Variants in EVL observed in about 807,000 individuals in gnomAD.
EVL encodes Enah/Vasp-like.
A neutral mutation model predicts 59.6 loss-of-function variants in EVL; 21 were observed. The ratio of observed to expected loss-of-function variants is 0.35; its 90% confidence interval spans 0.25 to 0.51. The LOEUF is 0.51. Ranked by LOEUF, EVL falls within the 20% of genes least tolerant of loss-of-function variation. The pLI is 0.97. For missense variants in EVL, 462 were observed against 546.6 expected, an observed-to-expected ratio of 0.85 and a Z score of 1.54; for synonymous variants, 198 against 203.5, an observed-to-expected ratio of 0.97 and a Z score of 0.23.
intron 2 of EVL, among the ~76,000 whole-genome samples, chr14:100,087,200 A>G (rs1185398840): frequency 6.6e-6 from 1 of 152,252 alleles, no homozygotes; most frequent in Non-Finnish European, 1.5e-5. Context: ...ACATAAAACC[A>G]GGTAATCAGT....
At chr14:100,120,232 A>G (rs1340738419) in intron 3 of EVL, among the ~76,000 whole-genome samples, 1 of 152,156 alleles carries the variant, frequency 6.6e-6, no homozygotes, top group Non-Finnish European at 1.5e-5. Context: ...TTTTCACTCA[A>G]GTCAGTTCAG....
At chr14:100,060,400 C>CA (rs2061805720) in intron 1 of EVL, among the ~76,000 whole-genome samples, 1 of 141,244 alleles carries the variant, frequency 7.1e-6, no homozygotes, top group Non-Finnish European at 1.5e-5. Flanking sequence ...CACTGCACTC[C>CA]AGCCTGGGCG....
In EVL at chr14:100,142,034, A is replaced by G. The variant is rs1464866464; in HGVS notation, c.1219+241A>G. On this transcript the variant is annotated intron_variant, in intron 13 of 13. Transcript: ENST00000392920. ...ATGACACCCGAATCTGACCTTCCAC[A>G]TCCCCGGCACCTTCCTGGAAGACCC... is the stretch of plus-strand genomic sequence containing the variant. 1.5e-5 allele frequency: 6 copies of G among 403,176 alleles called. No homozygotes were observed. In the East Asian group the frequency reaches 1.6e-4, roughly 11 times the overall value. 25.0% of individuals were successfully genotyped at this position (403,176 alleles called of 1,614,324 possible).
At chr14:100,124,943 C>A (rs1403027288) in intron 4 of EVL, among the ~76,000 whole-genome samples, 1 of 152,076 alleles carries the variant, frequency 6.6e-6, no homozygotes, top group Admixed American at 6.6e-5. Flanking sequence ...TAGCTGCCCC[C>A]AGACGAGACC....
intron 3 of EVL, among the ~76,000 whole-genome samples, chr14:100,121,221 G>A (rs1887676955): frequency 6.6e-6 from 1 of 152,156 alleles, no homozygotes; most frequent in Admixed American, 6.5e-5. Context: ...CACCTGCCAA[G>A]GGGCTGCTGC....
intron 1 of EVL, chr14:100,019,287 A>G (rs1477937601): frequency 9.6e-6 from 2 of 208,976 alleles, no homozygotes; most frequent in South Asian, 3.2e-4. Flanking sequence ...TCTCTCCCCA[A>G]CCTGCACAGT....
intron 1 of EVL, among the ~76,000 whole-genome samples, chr14:100,079,708 A>G (rs2062250495): frequency 6.6e-6 from 1 of 152,184 alleles, no homozygotes; most frequent in South Asian, 2.1e-4. Flanking sequence ...CTTCAAGGAA[A>G]TAACAGGGCT....
chr14:99,976,355 C>T (rs922190878), intron 1 of EVL, among the ~76,000 whole-genome samples: 2 of 151,952 alleles, frequency 1.3e-5, no homozygotes, highest in African/African-American at 4.8e-5. Flanking sequence ...TTTTATATTT[C>T]TATTTGTTTC....
chr14:100,115,045 C>A (rs1158281620), intron 3 of EVL, among the ~76,000 whole-genome samples: 9 of 148,762 alleles, frequency 6.0e-5, no homozygotes, highest in African/African-American at 1.2e-4. Flanking sequence ...AGATTAGTCA[C>A]AAAAAAAAAA....
At chr14:99,995,130 G>A (rs184205253) in intron 1 of EVL, among the ~76,000 whole-genome samples, 4 of 152,218 alleles carry the variant, frequency 2.6e-5, no homozygotes, top group African/African-American at 7.2e-5. Flanking sequence ...GTTAGTATGC[G>A]TGTCTGGATT....
At chr14:100,060,430 C>CA (rs58767352), upstream of EVL, among the ~76,000 whole-genome samples, 7,162 of 62,754 alleles carry the variant, frequency 0.11, 268 homozygotes, top group East Asian at 0.32. Flanking sequence ...GACTCCGTCT[C>CA]AAAAAAAAAA....
At chr14:100,095,501 A>C (rs1885746363) in intron 2 of EVL, among the ~76,000 whole-genome samples, 1 of 152,150 alleles carries the variant, frequency 6.6e-6, no homozygotes, top group Admixed American at 6.5e-5. Context: ...GTTACTAGTT[A>C]TTATTTGCTA....
At chr14:100,034,902 G>A (rs1008848882) in intron 1 of EVL, among the ~76,000 whole-genome samples, 2 of 152,202 alleles carry the variant, frequency 1.3e-5, no homozygotes, top group African/African-American at 2.4e-5. Context: ...GTGAGGAAAA[G>A]TATGATTATA....
chr14:100,097,586 A>G lies in EVL; in HGVS notation c.286A>G (p.Ser96Gly), dbSNP rs1231966684. Reference protein sequence around the residue: ...ARQVYGLNFASKEEATTFSNA... With the variant: ...ARQVYGLNFAGKEEATTFSNA... ...CCAGGTCTACGGCTTAAACTTTGCA[A>G]GTAAAGAAGAGGCAACCACGTTCTC... The change falls in exon 3 of 14, where the codon AGT becomes GGT. Residue 96 changes from serine to glycine, a missense_variant. Transcript: ENST00000392920. The G allele has an allele frequency of 1.2e-6, 2 of 1,614,208 alleles. No individual in the cohort carries two copies. The highest frequency in any genetic ancestry group is 3.3e-5 in the Admixed American group (2 of 60,028).
chr14:100,056,112 C>T (rs114545684), intron 1 of EVL, among the ~76,000 whole-genome samples: 1,844 of 151,764 alleles, frequency 0.012, 33 homozygotes, highest in African/African-American at 0.042. Flanking sequence ...GCCTGGCCCA[C>T]GTTGTTTTCG....
intron 1 of EVL, among the ~76,000 whole-genome samples, chr14:100,035,622 A>T (rs2061377980): frequency 6.6e-6 from 1 of 152,206 alleles, no homozygotes; most frequent in Non-Finnish European, 1.5e-5. Context: ...GGCCAAAGAA[A>T]CAAGTATCAG....
At chr14:100,048,585 A>G (rs974544101) in intron 1 of EVL, among the ~76,000 whole-genome samples, 11 of 152,232 alleles carry the variant, frequency 7.2e-5, no homozygotes, top group African/African-American at 1.9e-4. Flanking sequence ...AAAGTTTTAC[A>G]TACAGTTAAC....
At chr14:100,076,735 CG>C (rs759218776) in intron 1 of EVL, among the ~76,000 whole-genome samples, 1 of 152,084 alleles carries the variant, frequency 6.6e-6, no homozygotes, top group Non-Finnish European at 1.5e-5. Flanking sequence ...CCACAGAGTG[CG>C]GGGGGTGGAG....
At chr14:99,988,215 C>T (rs1352629189) in intron 1 of EVL, among the ~76,000 whole-genome samples, 1 of 151,894 alleles carries the variant, frequency 6.6e-6, no homozygotes, top group Non-Finnish European at 1.5e-5. Flanking sequence ...CGTGCCTGGC[C>T]AAGACAACCT....
Sources: allele counts gnomAD v4.1 joint callset (sites outside exome capture counted in the v4.1 genomes callset), GRCh38; gene constraint gnomAD v4.1.1; transcripts MANE v1.5; gene names NCBI Gene and HGNC (gene_info 2026-07-23, HGNC 2026-07-21).